The following MED15 variants were observed in gnomAD, a reference collection of about 807,000 sequenced individuals.
MED15 encodes the protein mediator complex subunit 15, also known as mediator of RNA polymerase II transcription subunit 15.
A neutral mutation model predicts 118.7 loss-of-function variants in MED15; 41 were observed. The ratio of observed to expected loss-of-function variants is 0.35; its 90% confidence interval spans 0.27 to 0.45. The LOEUF is 0.45. MED15 is among the 20% of genes least tolerant of loss of function. The pLI, the probability that MED15 is intolerant of heterozygous loss-of-function variation, is 1.00. For synonymous variants in MED15, 436 were observed against 413.9 expected (o/e 1.05, Z -0.65); for missense variants, 740 against 1,025.5 (o/e 0.72, Z 3.80).
intron 5 of MED15, among the ~76,000 whole-genome samples, chr22:20,557,193 TCA>T (rs1268663976): frequency 6.6e-6 from 1 of 151,730 alleles, no homozygotes; most frequent in African/African-American, 2.4e-5. Context: ...AGAACTGGAG[TCA>T]CACCCCAGGC....
intron 1 of MED15, among the ~76,000 whole-genome samples, chr22:20,528,734 G>A (rs972280918): frequency 2.6e-5 from 4 of 152,218 alleles, no homozygotes; most frequent in African/African-American, 9.7e-5. Context: ...TCGGCAGTTA[G>A]CGTGCATCGA....
At position 20,583,359 on chromosome 22, in the gene MED15, A is replaced by C; in HGVS notation, c.1702A>C (p.Ser568Arg). ...AAAAAAGGACCTGAGTAAGATGAAG[A>C]GCCTTCTGGACATTCTGACAGACCC... ...DRKKDLSKMK[S>R]LLDILTDPSK... is the part of the protein sequence containing the mutation. Residue 568 changes from serine to arginine, a missense_variant, in exon 13 of 18, where the codon AGC (serine) becomes CGC (arginine). By Grantham distance (110) the Ser-to-Arg change is moderately radical (BLOSUM62 -1). Around this residue, in one of 7 missense-constraint regions of MED15, gnomAD observed 384 missense variants for 506.3 expected, o/e 0.76. Transcript: ENST00000263205. 1 of 1,612,364 alleles carries C rather than the reference A, an allele frequency of 6.2e-7. No individual in the cohort carries two copies. The highest frequency in any genetic ancestry group is 8.5e-7 in the Non-Finnish European group (1 of 1,180,020).
Position 20,587,586 on chromosome 22 carries a change from T to G in MED15, c.*882T>G. 6.7e-6 allele frequency: 3 copies of G among 445,134 alleles called. No individual in the cohort carries two copies. Among genetic ancestry groups the G allele is most frequent in the East Asian group, 4.9e-5 (1 of 20,498 alleles). 27.6% of individuals were successfully genotyped at this position (445,134 alleles called of 1,614,324 possible). ...CCTTTTTATGTGCACTACCCCACCA[T>G]CTGTGATTATAATAAATTTATTATT... is the stretch of plus-strand genomic sequence containing the variant. On this transcript the variant is annotated 3_prime_UTR_variant, in exon 18 of 18. Transcript: ENST00000263205.
At chr22:20,574,298 A>G (rs1044607879) in intron 8 of MED15, 2 of 152,146 alleles carry the variant, frequency 1.3e-5, no homozygotes, top group Non-Finnish European at 2.9e-5. Context: ...TCTACCCCCA[A>G]CTCAGAACCC....
At position 20,568,289 on chromosome 22, in the gene MED15, G is replaced by C. The variant is rs148148587; in HGVS notation, c.1042-232G>C. Among the ~76,000 whole-genome samples, 41 of 152,312 alleles carry C rather than the reference G, an allele frequency of 2.7e-4. No individual in the cohort carries two copies. In the East Asian group the frequency reaches 7.5e-3, roughly 28 times the overall value. On this transcript the variant is annotated intron_variant, in intron 7 of 17. Transcript: ENST00000263205. ...GTCAGTGCTTGTGATAGCTGGTGCTGAGGGATGTGTGGAGACATCCCAGTG... is the reference window on the plus strand; with the variant it reads ...GTCAGTGCTTGTGATAGCTGGTGCTCAGGGATGTGTGGAGACATCCCAGTG...
chr22:20,529,351 G>A (rs1638036), intron 1 of MED15, among the ~76,000 whole-genome samples: 106,943 of 151,654 alleles, frequency 0.71, 37,995 homozygotes, highest in East Asian at 0.86. Context: ...TGGTTCAAGC[G>A]ATTCTCTTGC....
chr22:20,586,876 G>T lies in MED15; in HGVS notation c.*172G>T. On this transcript the variant is annotated 3_prime_UTR_variant, in exon 18 of 18. Coordinates refer to ENST00000263205, the MANE Select transcript of MED15 (RefSeq NM_001003891.3). ...GAAATCCCACACCTGTACAGAACTG[G>T]GATAGGCGCAGTGGAGCGGGTTGCT... 9.5e-7 allele frequency: 1 copy of T among 1,056,502 alleles called. No individual in the cohort carries two copies. The highest frequency in any genetic ancestry group is 1.7e-5 in the South Asian group (1 of 58,470). 65.4% of individuals were successfully genotyped at this position (1,056,502 alleles called of 1,614,324 possible).
chr22:20,550,821 A>G (rs2055738141), intron 2 of MED15, among the ~76,000 whole-genome samples: 2 of 152,392 alleles, frequency 1.3e-5, no homozygotes, highest in South Asian at 4.1e-4. Flanking sequence ...AGCAGCTTGC[A>G]TATAGCGGGC....
At chr22:20,539,872 T>C (rs2055224928) in intron 2 of MED15, among the ~76,000 whole-genome samples, 1 of 152,232 alleles carries the variant, frequency 6.6e-6, no homozygotes, top group Admixed American at 6.5e-5. Context: ...TATATTTTCT[T>C]TGGAGTAATG....
At chr22:20,525,766 C>T (rs1377415790) in intron 1 of MED15, among the ~76,000 whole-genome samples, 1 of 151,776 alleles carries the variant, frequency 6.6e-6, no homozygotes, top group Admixed American at 6.6e-5. Flanking sequence ...AAACTCCCCA[C>T]CTCAGGTGAT....
At chr22:20,537,828 C>T (rs926101661) in intron 2 of MED15, among the ~76,000 whole-genome samples, 6 of 152,144 alleles carry the variant, frequency 3.9e-5, no homozygotes, top group East Asian at 1.9e-4. Flanking sequence ...CTTGTGTGCA[C>T]GTGTGTGTGC....
At chr22:20,582,787 G>A (rs200282884) in intron 10 of MED15, 40 bp downstream of exon 10, 25 of 1,593,102 alleles carry the variant, frequency 1.6e-5, no homozygotes, top group Middle Eastern at 3.3e-4. Context: ...CCTGGCCCTC[G>A]AGGCTGGCCC....
rs544595121 is a variant in MED15, at chr22:20,575,126, C to G, written c.1166C>G (p.Ala389Gly). The change falls in exon 9 of 18, where the codon GCC becomes GGC. Residue 389 changes from alanine (A) to glycine (G), a missense_variant. Transcript: ENST00000263205. ...CTGTCCTCAAAGATGATCACGGAAG[C>G]CTTGGCCCAAGGTGGGATGCACATA... is the stretch of plus-strand genomic sequence containing the variant. ...VAPGVQMITE[A>G]LAQGGMHIRA... The G allele has an allele frequency of 6.2e-7, 1 of 1,614,078 alleles. No individual in the cohort carries two copies. Among genetic ancestry groups the G allele is most frequent in the African/African-American group, 1.3e-5 (1 of 75,070 alleles).
At chr22:20,536,785 C>T (rs541335749) in intron 1 of MED15, among the ~76,000 whole-genome samples, 2 of 152,344 alleles carry the variant, frequency 1.3e-5, no homozygotes, top group Admixed American at 1.3e-4. Context: ...ACCCAGTAGT[C>T]TAATGCGTAC....
intron 9 of MED15, 72 bp downstream of exon 9, chr22:20,575,304 C>T: frequency 1.9e-6 from 3 of 1,548,422 alleles, no homozygotes; most frequent in Admixed American, 1.9e-5. Context: ...GTAAAGCGCA[C>T]CTGTCATTAT....
At chr22:20,584,514 C>A in intron 14 of MED15, 89 bp downstream of exon 14, 1 of 1,463,422 alleles carries the variant, frequency 6.8e-7, no homozygotes, top group Non-Finnish European at 9.6e-7. Context: ...AAGGTCAGGG[C>A]ATCTGGGCGG....
chr22:20,570,742 C>CT (rs2040762086), intron 8 of MED15, among the ~76,000 whole-genome samples: 1 of 81,222 alleles, frequency 1.2e-5, no homozygotes, highest in East Asian at 4.3e-4. Context: ...TTCTTTCTTT[C>CT]TTTCTTTTTT....
At position 20,566,166 on chromosome 22, in the gene MED15, A is replaced by G. The variant is rs1257012418; in HGVS notation, c.691-301A>G. Among the ~76,000 whole-genome samples, 1 of 151,588 alleles carries G rather than the reference A, an allele frequency of 6.6e-6. No individual in the cohort carries two copies. The highest frequency in any genetic ancestry group is 2.4e-5 in the African/African-American group (1 of 41,184). On this transcript the variant is annotated intron_variant, in intron 6 of 17. Coordinates refer to ENST00000263205, the MANE Select transcript of MED15 (RefSeq NM_001003891.3). ...GTGATTCTCCTGCCTCAGCCTCCCA[A>G]GTAGCTGGGATTACAGGTGTGAGCC...
intron 16 of MED15, 120 bp downstream of exon 16, chr22:20,585,387 C>A: frequency 7.6e-7 from 1 of 1,322,636 alleles, no homozygotes; most frequent in Non-Finnish European, 1.0e-6. Flanking sequence ...CACGCCCCGC[C>A]AGGCTGTCTG....
Sources: gnomAD v4.1 joint callset for allele counts (sites outside exome capture counted in the v4.1 genomes callset) on GRCh38, gnomAD v4.1.1 for gene constraint, gnomAD v4.1.1 regional missense constraint, MANE v1.5 for transcripts, NCBI Gene and HGNC (gene_info 2026-07-23, HGNC 2026-07-21) for gene names.